POU6F2: variants seen among roughly 807,000 people sequenced by gnomAD.
POU6F2 encodes POU class 6 homeobox 2.
Under a neutral mutation model 71.3 loss-of-function variants are expected in POU6F2, and 31 were observed. The ratio of observed to expected loss-of-function variants is 0.43; its 90% CI spans 0.33 to 0.59. The LOEUF is 0.59. Ranked by LOEUF, POU6F2 falls within the 20% of genes least tolerant of loss-of-function variation. POU6F2 has a pLI of 0.04. For synonymous variants in POU6F2, 347 were observed against 355.7 expected, an observed-to-expected ratio of 0.98 and a Z score of 0.27; for missense variants, 783 against 856.8, an observed-to-expected ratio of 0.91 and a Z score of 1.07.
At chr7:39,449,602 C>T (rs1788608444) in intron 7 of POU6F2, among the ~76,000 whole-genome samples, 1 of 152,080 alleles carries the variant, frequency 6.6e-6, no homozygotes, top group Non-Finnish European at 1.5e-5. Context: ...TAGGTATTTA[C>T]ATTAGAGAAA....
chr7:39,200,368 C>T (rs1457757496), intron 2 of POU6F2, among the ~76,000 whole-genome samples: 1 of 152,170 alleles, frequency 6.6e-6, no homozygotes, highest in Non-Finnish European at 1.5e-5. Context: ...ATTCGCAGGC[C>T]TGGGTGAAAA....
chr7:39,223,775 C>G (rs937826016), intron 4 of POU6F2, among the ~76,000 whole-genome samples: 2 of 152,148 alleles, frequency 1.3e-5, no homozygotes, highest in African/African-American at 2.4e-5. Context: ...CTAGTGGGAG[C>G]TACTCTCTCA....
chr7:39,177,479 C>A (rs746608750), intron 2 of POU6F2, among the ~76,000 whole-genome samples: 15 of 152,176 alleles, frequency 9.9e-5, no homozygotes, highest in Non-Finnish European at 2.2e-4. Context: ...ATGAGACAAT[C>A]CAAGGATTGG....
At position 39,025,695 on chromosome 7, in the gene POU6F2, A is replaced by C. The variant is rs374077673; in HGVS notation, c.105+47637A>C. Among the ~76,000 whole-genome samples, 26 of 151,420 alleles carry C rather than the reference A, an allele frequency of 1.7e-4. No individual in the cohort carries two copies. The East Asian group carries it at 3.9e-3, about 23-fold the overall frequency. The stretch of plus-strand genomic sequence containing the variant: ...ATTCAGGACATAGGCATGGGCAAGG[A>C]CTTCATGTCTAAAACACCAAAAGCA... On this transcript the variant is annotated intron_variant, in intron 1 of 9. Transcript: ENST00000518318.
chr7:39,004,631 G>A (rs1232042710), intron 1 of POU6F2, among the ~76,000 whole-genome samples: 9 of 152,220 alleles, frequency 5.9e-5, no homozygotes, highest in African/African-American at 1.7e-4. Context: ...AGTCTTGTCC[G>A]CACTTCATCC....
intron 4 of POU6F2, among the ~76,000 whole-genome samples, chr7:39,211,892 G>A (rs1452123786): frequency 6.6e-6 from 1 of 152,182 alleles, no homozygotes; most frequent in African/African-American, 2.4e-5. Flanking sequence ...GCTTTTGGCT[G>A]AACCATGATT....
intron 7 of POU6F2, among the ~76,000 whole-genome samples, chr7:39,438,919 T>C (rs6948191): frequency 0.34 from 51,178 of 152,006 alleles, 9,628 homozygotes; most frequent in East Asian, 0.58. Flanking sequence ...CTTGTTAATC[T>C]TCTGTCTCAT....
intron 4 of POU6F2, among the ~76,000 whole-genome samples, chr7:39,250,559 C>T (rs1783896367): frequency 1.3e-5 from 2 of 152,164 alleles, no homozygotes; most frequent in Non-Finnish European, 2.9e-5. Context: ...TATCTCATCT[C>T]TTTATGATAG....
intron 5 of POU6F2, among the ~76,000 whole-genome samples, chr7:39,390,749 G>A (rs1045295966): frequency 3.3e-5 from 5 of 152,160 alleles, no homozygotes; most frequent in African/African-American, 9.7e-5. Context: ...AGTTCTAAGG[G>A]ATGTTAGTGG....
At chr7:39,103,345 T>C (rs1791614446) in intron 2 of POU6F2, among the ~76,000 whole-genome samples, 1 of 152,152 alleles carries the variant, frequency 6.6e-6, no homozygotes, top group South Asian at 2.1e-4. Flanking sequence ...AGATGTGACT[T>C]TGGCAAATGA....
chr7:39,194,622 G>A (rs1243826135), intron 2 of POU6F2, among the ~76,000 whole-genome samples: 1 of 152,088 alleles, frequency 6.6e-6, no homozygotes, highest in Non-Finnish European at 1.5e-5. Context: ...TGTGGGCTGG[G>A]CCAAAGAAAG....
chr7:39,456,336 G>A (rs1788804740), intron 8 of POU6F2, among the ~76,000 whole-genome samples: 1 of 152,186 alleles, frequency 6.6e-6, no homozygotes, highest in Non-Finnish European at 1.5e-5. Context: ...TCTGAGCTGA[G>A]GGAGCATTCC....
chr7:39,086,065 C>A (rs772718060), intron 2 of POU6F2, 34 bp downstream of exon 2: 8 of 1,598,264 alleles, frequency 5.0e-6, no homozygotes, highest in Non-Finnish European at 6.8e-6. Context: ...TTCAGTACTA[C>A]CATGTTGTCC....
At chr7:39,289,986 A>C (rs773785514) in intron 4 of POU6F2, among the ~76,000 whole-genome samples, 16 of 152,156 alleles carry the variant, frequency 1.1e-4, no homozygotes, top group Non-Finnish European at 1.9e-4. Context: ...TACAAAGAAT[A>C]GGCATAAGAC....
intron 1 of POU6F2, among the ~76,000 whole-genome samples, chr7:39,048,843 T>C (rs1243939675): frequency 1.3e-5 from 2 of 151,960 alleles, no homozygotes; most frequent in African/African-American, 2.4e-5. Flanking sequence ...CAGCATCTAT[T>C]TTTATGACTT....
chr7:39,124,032 C>T (rs1792095845), intron 2 of POU6F2, among the ~76,000 whole-genome samples: 1 of 148,052 alleles, frequency 6.8e-6, no homozygotes, highest in South Asian at 2.1e-4. Context: ...TTACTTTCCT[C>T]ATCCATAGAC....
intron 1 of POU6F2, among the ~76,000 whole-genome samples, chr7:39,032,883 ATCT>A (rs1174781156): frequency 1.4e-4 from 21 of 152,174 alleles, no homozygotes; most frequent in African/African-American, 5.1e-4. Flanking sequence ...CGTGACACAC[ATCT>A]TCTGTCTAAA....
At chr7:39,322,297 G>T (rs555593046) in intron 4 of POU6F2, among the ~76,000 whole-genome samples, 1 of 152,144 alleles carries the variant, frequency 6.6e-6, no homozygotes, top group Non-Finnish European at 1.5e-5. Flanking sequence ...CCCTTCCGCC[G>T]CCTGCTCACT....
chr7:39,239,865 G>A (rs1223240449), intron 4 of POU6F2, among the ~76,000 whole-genome samples: 1 of 152,074 alleles, frequency 6.6e-6, no homozygotes, highest in African/African-American at 2.4e-5. Context: ...CAAACTTCAT[G>A]ACAAAGAGGT....
Sources: allele counts gnomAD v4.1 joint callset (sites outside exome capture counted in the v4.1 genomes callset), GRCh38; gene constraint gnomAD v4.1.1; transcripts MANE v1.5; gene names NCBI Gene and HGNC (gene_info 2026-07-23, HGNC 2026-07-21).